Variants in ARHGAP30 observed in about 807,000 individuals in gnomAD.
ARHGAP30 encodes rho GTPase-activating protein 30.
ARHGAP30 carries 23 observed loss-of-function variants against 72.0 expected under a neutral mutation model. The observed-to-expected ratio is 0.32, with a 90% CI of 0.23 to 0.45. The LOEUF (loss-of-function observed/expected upper bound fraction) is 0.45, where lower values mean the gene tolerates loss of function less well. Ranked by LOEUF, ARHGAP30 falls within the 20% of genes least tolerant of loss-of-function variation. ARHGAP30 has a pLI of 1.00. For synonymous variants in ARHGAP30, 576 were observed against 528.2 expected (o/e 1.09, Z -1.24); for missense variants, 1,319 against 1,383.4 (o/e 0.95, Z 0.74).
Position 161,049,334 on chromosome 1 carries a change from C to A in ARHGAP30, c.1687G>T (p.Val563Leu). The change falls in exon 12 of 12, where the codon GTG becomes TTG. Residue 563 changes from valine (V) to leucine (L), a missense_variant and splice_region_variant. Val to Leu is a conservative substitution (Grantham distance 32). This residue lies in a region of ARHGAP30 where 1,097 missense variants were observed against 1,045.2 expected (regional missense o/e 1.05). Transcript: ENST00000368013. ...GGTGGCTCCACAGAGAACTCCTCCA[C>A]CTGTAGGCACAGCATTGTGACTCAG... ...LEELLGVGPQ[V>L]EEFSVEPPLD... 6.2e-7 allele frequency: 1 copy of A among 1,611,714 alleles called. No individual in the cohort carries two copies. The highest frequency in any genetic ancestry group is 8.5e-7 in the Non-Finnish European group (1 of 1,178,654).
intron 1 of ARHGAP30, among the ~76,000 whole-genome samples, chr1:161,063,466 C>T (rs1406151813): frequency 6.6e-6 from 1 of 152,236 alleles, no homozygotes; most frequent in Non-Finnish European, 1.5e-5. Context: ...TTGTGATTTC[C>T]TATGCCTGTC....
At chr1:161,055,875 TAAAATA>T (rs1267755773) in intron 3 of ARHGAP30, among the ~76,000 whole-genome samples, 36 of 115,120 alleles carry the variant, frequency 3.1e-4, no homozygotes, top group African/African-American at 1.1e-3. Flanking sequence ...TAAAATAAAA[TAAAATA>T]AAAATAAATA....
At position 161,069,275 on chromosome 1, in the gene ARHGAP30, G is replaced by A. The variant is rs1652992237; in HGVS notation, c.97+253C>T. Among the ~76,000 whole-genome samples the A allele has an allele frequency of 1.3e-5, 2 of 151,694 alleles. No homozygotes were observed. Among genetic ancestry groups the A allele is most frequent in the African/African-American group, 2.4e-5 (1 of 41,242 alleles). ...CAGTCTCTCCATCCTCCCCCTCACT[G>A]CTACCTGGGTACTCACATTCTCATC... On this transcript the variant is annotated intron_variant, in intron 1 of 11. Coordinates refer to ENST00000368013, the MANE Select transcript of ARHGAP30 (RefSeq NM_001025598.2). This position sits in a 1 kb window ranked among gnomAD's most constrained non-coding sequence, Gnocchi z 4.9.
rs760658374 is a variant in ARHGAP30, at chr1:161,048,371, C to T, written c.2650G>A (p.Glu884Lys). The change falls in exon 12 of 12, where the codon GAG (glutamate) becomes AAG (lysine). Residue 884 changes from glutamate to lysine, a missense_variant. This residue lies in a region of ARHGAP30 where 1,097 missense variants were observed against 1,045.2 expected (regional missense o/e 1.05). Coordinates refer to ENST00000368013, the MANE Select transcript of ARHGAP30 (RefSeq NM_001025598.2). ...GGCTGTGGGGCTACCTCTTCCATCT[C>T]AGAAGAGTGAGGATTGCCCTCTTTG... ...CAKEGNPHSSEMEEVAPQPPQ... is the reference protein window; with the variant it reads ...CAKEGNPHSSKMEEVAPQPPQ... The T allele has an allele frequency of 1.9e-6, 3 of 1,614,036 alleles. No individual in the cohort carries two copies. Among genetic ancestry groups the T allele is most frequent in the East Asian group, 4.5e-5 (2 of 44,898 alleles).
In ARHGAP30 at chr1:161,048,796, T is replaced by C. The variant is rs752574619; in HGVS notation, c.2225A>G (p.Tyr742Cys). 8 of 1,614,054 alleles carry C rather than the reference T, an allele frequency of 5.0e-6. No individual in the cohort carries two copies. The East Asian group carries it at 8.9e-5, about 18-fold the overall frequency. ...KGVEEPGGDE[Y>C]TDEKEKEIER... ...AATTTCTTTTTCCTTCTCATCTGTA[T>C]ACTCATCTCCTCCTGGTTCCTCCAC... The change falls in exon 12 of 12, where the codon TAT (tyrosine) becomes TGT (cysteine). Residue 742 changes from tyrosine to cysteine, a missense_variant. Around this residue, in one of 2 missense-constraint regions of ARHGAP30, gnomAD observed 1,097 missense variants for 1,045.2 expected, o/e 1.05. Transcript: ENST00000368013.
At chr1:161,058,142 A>C in intron 2 of ARHGAP30, among the ~76,000 whole-genome samples, 1 of 146,592 alleles carries the variant, frequency 6.8e-6, no homozygotes, top group African/African-American at 2.5e-5. Context: ...CAAGAGTGAA[A>C]CTCCATCTCA....
At position 161,053,506 on chromosome 1, in the gene ARHGAP30, C is replaced by CTCTCTCTCTCTT. The variant is rs1553217361; in HGVS notation, c.537-122_537-121insAAGAGAGAGAGA. 1.2e-5 allele frequency: 10 copies of CTCTCTCTCTCTT among 842,978 alleles called. No individual in the cohort carries two copies. The African/African-American group carries it at 4.3e-4, about 37-fold the overall frequency. The allele number at this position is 842,978 out of a possible 1,614,324, so 52.2% of individuals were successfully genotyped here. On this transcript the variant is annotated intron_variant, in intron 5 of 11. Coordinates refer to ENST00000368013, the MANE Select transcript of ARHGAP30 (RefSeq NM_001025598.2). ...TCTCTCTCTCTCTCTCTCTCTCTCT[C>CTCTCTCTCTCTT]GAATGACCTTAACCCCTTCTCTACC...
chr1:161,065,007 T>C (rs186968772), intron 1 of ARHGAP30, among the ~76,000 whole-genome samples: 131 of 152,204 alleles, frequency 8.6e-4, no homozygotes, highest in African/African-American at 3.0e-3. Context: ...TTTTTTTCCT[T>C]ATGGGCCCAT....
chr1:161,064,830 AGAGAAAGAAAGAAAGAAAG>A lies in ARHGAP30; in HGVS notation c.97+4679_97+4697del, dbSNP rs1470136949. Among the ~76,000 whole-genome samples the A allele has an allele frequency of 1.2e-3, 42 of 36,180 alleles. 1 individual carries two copies. The highest frequency in any genetic ancestry group is 0.01 in the African/African-American group (39 of 3,726). The allele number at this position is 36,180 out of a possible 152,430, so 23.7% of individuals were successfully genotyped here. ...AAGAAAGAAAGAAAGAAAGAAAGAA[AGAGAAAGAAAGAAAGAAAG>A]GAAAGGAAGGAGAGGAAGGAGAGGA... On this transcript the variant is annotated intron_variant, in intron 1 of 11. Coordinates refer to ENST00000368013, the MANE Select transcript of ARHGAP30 (RefSeq NM_001025598.2).
intron 1 of ARHGAP30, among the ~76,000 whole-genome samples, chr1:161,067,819 C>T (rs911162435): frequency 6.6e-6 from 1 of 152,120 alleles, no homozygotes; most frequent in Non-Finnish European, 1.5e-5. Flanking sequence ...AGAGAGGAAC[C>T]ATCACCAGCC....
At chr1:161,066,312 C>T (rs774000245) in intron 1 of ARHGAP30, among the ~76,000 whole-genome samples, 22 of 150,284 alleles carry the variant, frequency 1.5e-4, no homozygotes, top group Non-Finnish European at 2.7e-4. Flanking sequence ...ATGGAGATGC[C>T]AACCATGCCC....
chr1:161,051,340 C>CCAGGGA lies in ARHGAP30; in HGVS notation c.1393_1394insTCCCTG (p.Pro464_Gly465insValPro). On this transcript the variant is annotated inframe_insertion, in exon 10 of 12. Transcript: ENST00000368013. The stretch of plus-strand genomic sequence containing the variant: ...TGGGGGGCCAGGGCCAAGGCCAGGG[C>CCAGGGA]CAGGGCCAGGGCCAGAGGCAGGGCT... The CCAGGGA allele has an allele frequency of 6.2e-7, 1 of 1,608,384 alleles. No individual in the cohort carries two copies. Among genetic ancestry groups the CCAGGGA allele is most frequent in the Non-Finnish European group, 8.5e-7 (1 of 1,177,050 alleles).
In ARHGAP30 at chr1:161,049,234, G is replaced by A. The variant is rs1363050565; in HGVS notation, c.1787C>T (p.Pro596Leu). ...PSCCSLDSAG[P>L]RPEVEEENGE... ...ATTTTCCTCCTCAACTTCAGGCCTG[G>A]GGCCAGCGGAGTCCAGGGAACAGCA... Residue 596 changes from proline to leucine, a missense_variant, in exon 12 of 12, where the codon CCC becomes CTC. By Grantham distance (98) the Pro-to-Leu change is moderately conservative. This residue lies in a region of ARHGAP30 where 1,097 missense variants were observed against 1,045.2 expected (regional missense o/e 1.05). Transcript: ENST00000368013. 2.5e-6 allele frequency: 4 copies of A among 1,613,966 alleles called. No homozygotes were observed. The highest frequency in any genetic ancestry group is 1.3e-5 in the African/African-American group (1 of 74,898).
intron 1 of ARHGAP30, among the ~76,000 whole-genome samples, chr1:161,068,123 G>A (rs575669482): frequency 2.2e-4 from 34 of 152,256 alleles, no homozygotes; most frequent in African/African-American, 7.7e-4. Context: ...AAATTGGTTG[G>A]TGGACCACAA....
Position 161,056,418 on chromosome 1 carries a change from C to T in ARHGAP30, c.315G>A (p.Leu105=), listed in dbSNP as rs1651881060. 1 of 1,613,950 alleles carries T rather than the reference C, an allele frequency of 6.2e-7. No individual in the cohort carries two copies. ...ACTTGTCATAGAGCCGGTAAGTGAG[C>T]AGGGGATCCGGCAGTTCTCTGAAAT... ...KAYFRELPDP[L]LTYRLYDKFA... is the part of the protein sequence containing the mutation. The change falls in exon 3 of 12, where the codon CTG becomes CTA. Residue 105 remains leucine (L), a synonymous_variant. Transcript: ENST00000368013.
Position 161,048,080 on chromosome 1 carries a change from C to T in ARHGAP30, c.2941G>A (p.Gly981Arg), listed in dbSNP as rs888017518. 7.4e-6 allele frequency: 12 copies of T among 1,614,064 alleles called. No homozygotes were observed. Among genetic ancestry groups the T allele is most frequent in the Non-Finnish European group, 1.0e-5 (12 of 1,180,032 alleles). The change falls in exon 12 of 12, where the codon GGG becomes AGG. Residue 981 changes from glycine (G) to arginine (R), a missense_variant. Around this residue, in one of 2 missense-constraint regions of ARHGAP30, gnomAD observed 1,097 missense variants for 1,045.2 expected, o/e 1.05. Coordinates refer to ENST00000368013, the MANE Select transcript of ARHGAP30 (RefSeq NM_001025598.2). ...CAAGAGGATCGAGAAGCTCGGGACC[C>T]CCAAGCCCTTTCTCCAGGAGTCCCA... ...LDGTPGERAWGSRASRSSWRN... is the reference protein window; with the variant it reads ...LDGTPGERAWRSRASRSSWRN...
Position 161,047,097 on chromosome 1 carries a change from C to A in ARHGAP30, c.*618G>T. The A allele has an allele frequency of 2.4e-6, 1 of 422,892 alleles. No homozygotes were observed. The highest frequency in any genetic ancestry group is 1.8e-5 in the South Asian group (1 of 56,334). The allele number at this position is 422,892 out of a possible 1,614,324, so 26.2% of individuals were successfully genotyped here. On this transcript the variant is annotated 3_prime_UTR_variant, in exon 12 of 12. Transcript: ENST00000368013. ...AGTTATTCCAAAGGAGAAAGGAGAG[C>A]CCAGAGAGATCTGTACAGGACCTCT...
At position 161,051,502 on chromosome 1, in the gene ARHGAP30, T is replaced by C. The variant is rs535318053; in HGVS notation, c.1232A>G (p.His411Arg). 1.2e-6 allele frequency: 2 copies of C among 1,614,240 alleles called. No individual in the cohort carries two copies. The highest frequency in any genetic ancestry group is 3.3e-5 in the Admixed American group (2 of 60,034). The change falls in exon 10 of 12, where the codon CAC becomes CGC. Residue 411 changes from histidine (H) to arginine (R), a missense_variant. Around this residue, in one of 2 missense-constraint regions of ARHGAP30, gnomAD observed 1,097 missense variants for 1,045.2 expected, o/e 1.05. Coordinates refer to ENST00000368013, the MANE Select transcript of ARHGAP30 (RefSeq NM_001025598.2). The part of the protein sequence containing the change: ...SSRAERCAGV[H>R]ISDPYNVNLP... ...GTTGACATTGTAGGGGTCTGAGATG[T>C]GGACACCAGCACAGCGTTCTGCACG...
intron 3 of ARHGAP30, among the ~76,000 whole-genome samples, chr1:161,055,869 A>G (rs1411469164): frequency 2.3e-5 from 1 of 43,010 alleles, no homozygotes; most frequent in Non-Finnish European, 4.7e-5. Flanking sequence ...ATAAAATAAA[A>G]TAAAATAAAA....
Sources: allele counts gnomAD v4.1 joint callset (sites outside exome capture counted in the v4.1 genomes callset), GRCh38; gene constraint gnomAD v4.1.1; regional missense constraint gnomAD v4.1.1; non-coding constraint Gnocchi (gnomAD v3.1); transcripts MANE v1.5; gene names NCBI Gene and HGNC (gene_info 2026-07-23, HGNC 2026-07-21).